The following SCHIP1 variants were observed in gnomAD, a reference collection of about 807,000 sequenced individuals.
SCHIP1 encodes the protein schwannomin interacting protein 1.
In SCHIP1, 8 loss-of-function variants were observed where a neutral mutation model predicts 29.7. That is an observed-to-expected ratio of 0.27 (90% CI 0.16 to 0.49). The LOEUF (loss-of-function observed/expected upper bound fraction) is 0.49, where lower values mean the gene tolerates loss of function less well. Among genes scored for constraint, SCHIP1 ranks in the 20% least tolerant of loss-of-function variants. SCHIP1 has a pLI of 0.99. For synonymous variants in SCHIP1, 76 were observed against 94.9 expected, an observed-to-expected ratio of 0.80 and a Z score of 1.16; for missense variants, 193 against 294.6, an observed-to-expected ratio of 0.66 and a Z score of 2.52.
chr3:159,768,917 C>T, the SCHIP1 span, among the ~76,000 whole-genome samples: 1 of 152,362 alleles, frequency 6.6e-6, no homozygotes, highest in East Asian at 1.9e-4. Context: ...GTGCCCCTTC[C>T]ATGGGCAGCC....
At chr3:159,456,455 A>G in the SCHIP1 span, among the ~76,000 whole-genome samples, 1 of 152,214 alleles carries the variant, frequency 6.6e-6, no homozygotes, top group Non-Finnish European at 1.5e-5. Context: ...ATGTATGCCC[A>G]GAAAATTTTC....
chr3:159,779,497 T>G, the SCHIP1 span, among the ~76,000 whole-genome samples: 1 of 144,622 alleles, frequency 6.9e-6, no homozygotes, highest in East Asian at 2.0e-4. Flanking sequence ...GGTGAAACCC[T>G]GTCTCTACCA....
the SCHIP1 span, among the ~76,000 whole-genome samples, chr3:159,753,229 A>G: frequency 6.6e-6 from 1 of 152,180 alleles, no homozygotes; most frequent in Non-Finnish European, 1.5e-5. Flanking sequence ...TATGATTCCC[A>G]TCTTTATATC....
At chr3:159,811,978 T>TG in the SCHIP1 span, among the ~76,000 whole-genome samples, 7 of 107,376 alleles carry the variant, frequency 6.5e-5, no homozygotes, top group Admixed American at 3.4e-4. Context: ...GTTTTTGTTT[T>TG]TGTTTTTTTT....
chr3:159,550,773 A>G, the SCHIP1 span, among the ~76,000 whole-genome samples: 1 of 152,174 alleles, frequency 6.6e-6, no homozygotes, highest in Non-Finnish European at 1.5e-5. Context: ...TCACAGTTGT[A>G]GAGGCAGACT....
At chr3:159,725,953 T>A in the SCHIP1 span, among the ~76,000 whole-genome samples, 1 of 152,298 alleles carries the variant, frequency 6.6e-6, no homozygotes, top group East Asian at 1.9e-4. Flanking sequence ...AATTCCCACC[T>A]CTTATCAAGT....
the SCHIP1 span, among the ~76,000 whole-genome samples, chr3:159,510,198 C>G: frequency 6.6e-6 from 1 of 152,182 alleles, no homozygotes; most frequent in Non-Finnish European, 1.5e-5. Context: ...AACTTCTCTT[C>G]TCATTTCATT....
the SCHIP1 span, among the ~76,000 whole-genome samples, chr3:159,496,380 T>A: frequency 6.6e-6 from 1 of 152,080 alleles, no homozygotes. Flanking sequence ...ACATCCAGAA[T>A]CTACAATGAA....
chr3:159,658,597 G>A, the SCHIP1 span, among the ~76,000 whole-genome samples: 1 of 152,032 alleles, frequency 6.6e-6, no homozygotes, highest in Non-Finnish European at 1.5e-5. Context: ...TTGAGCCTTA[G>A]TTCTCATCTG....
the SCHIP1 span, among the ~76,000 whole-genome samples, chr3:159,393,386 C>G: frequency 6.6e-6 from 1 of 151,882 alleles, no homozygotes; most frequent in Non-Finnish European, 1.5e-5. Context: ...GAAGTCCTTG[C>G]CCATGCCTAT....
chr3:159,851,602 TTAAC>T (rs1712649889), intron 1 of SCHIP1, among the ~76,000 whole-genome samples: 2 of 152,224 alleles, frequency 1.3e-5, no homozygotes, highest in Non-Finnish European at 2.9e-5. Context: ...TTCCTTCATT[TTAAC>T]TAACCTCCTT....
the SCHIP1 span, among the ~76,000 whole-genome samples, chr3:159,405,947 A>C: frequency 6.6e-6 from 1 of 151,882 alleles, no homozygotes; most frequent in Non-Finnish European, 1.5e-5. Flanking sequence ...AAAAAGAATA[A>C]AACGTGCCTA....
At chr3:159,507,709 C>A in the SCHIP1 span, among the ~76,000 whole-genome samples, 1 of 152,178 alleles carries the variant, frequency 6.6e-6, no homozygotes, top group Non-Finnish European at 1.5e-5. Context: ...GCCTTTTCTG[C>A]ATCTATTGAG....
chr3:159,647,001 A>G, the SCHIP1 span, among the ~76,000 whole-genome samples: 2 of 152,068 alleles, frequency 1.3e-5, no homozygotes, highest in African/African-American at 4.8e-5. Flanking sequence ...GATCTGGGCT[A>G]AGGATTGGAA....
At chr3:159,444,210 G>C in the SCHIP1 span, among the ~76,000 whole-genome samples, 1 of 152,192 alleles carries the variant, frequency 6.6e-6, no homozygotes, top group South Asian at 2.1e-4. Flanking sequence ...GACTGTGTGG[G>C]ACATACTTCA....
the SCHIP1 span, among the ~76,000 whole-genome samples, chr3:159,489,935 G>A: frequency 6.6e-6 from 1 of 151,944 alleles, no homozygotes; most frequent in Non-Finnish European, 1.5e-5. Flanking sequence ...GAGATTGGAA[G>A]AATACACACC....
chr3:159,639,078 T>C, the SCHIP1 span, among the ~76,000 whole-genome samples: 1 of 152,164 alleles, frequency 6.6e-6, no homozygotes, highest in South Asian at 2.1e-4. Flanking sequence ...AATATTTAAA[T>C]TTCTTAAAAT....
chr3:159,792,223 G>A, the SCHIP1 span, among the ~76,000 whole-genome samples: 1 of 152,178 alleles, frequency 6.6e-6, no homozygotes, highest in African/African-American at 2.4e-5. Context: ...TAGGGGGCCT[G>A]TCAAGTGCCA....
the SCHIP1 span, among the ~76,000 whole-genome samples, chr3:159,428,589 C>G: frequency 3.8e-4 from 58 of 151,594 alleles, no homozygotes; most frequent in African/African-American, 1.4e-3. Context: ...CACTTTTACA[C>G]TGTTGGTGGG....
Sources: allele counts gnomAD v4.1 joint callset (sites outside exome capture counted in the v4.1 genomes callset), GRCh38; gene constraint gnomAD v4.1.1; transcripts MANE v1.5; gene names NCBI Gene and HGNC (gene_info 2026-07-23, HGNC 2026-07-21).